ARMCX4: variants seen among roughly 807,000 people sequenced by gnomAD.
The protein encoded by ARMCX4 is armadillo repeat-containing X-linked protein 4.
Under a neutral mutation model 34.7 loss-of-function variants are expected in ARMCX4, and 3 were observed. The ratio of observed to expected loss-of-function variants is 0.09; its 90% confidence interval spans 0.04 to 0.22. The LOEUF is 0.22. Ranked by LOEUF, ARMCX4 falls within the 10% of genes least tolerant of loss-of-function variation. The probability of loss-of-function intolerance (pLI) is 1.00; values close to 1 mark genes in which losing one functional copy is unlikely to be tolerated. For missense variants in ARMCX4, 1,448 were observed against 1,720.8 expected (o/e 0.84, Z 2.81); for synonymous variants, 513 against 632.8 (o/e 0.81, Z 2.84).
chrX:101,427,416 C>T (rs543519784), intron 2 of ARMCX4, among the ~76,000 whole-genome samples: 1 of 109,904 alleles, frequency 9.1e-6, no homozygotes, highest in African/African-American at 3.3e-5. Context: ...CTTGCTCTGT[C>T]GCCCAGGCTG....
intron 7 of ARMCX4, among the ~76,000 whole-genome samples, chrX:101,504,606 G>A (rs971686182): frequency 9.0e-6 from 1 of 110,852 alleles, no homozygotes; most frequent in Non-Finnish European, 1.9e-5. Context: ...AGAGATAGCT[G>A]GTCTTATAGT....
At chrX:101,437,211 G>T (rs1930855138) in intron 2 of ARMCX4, among the ~76,000 whole-genome samples, 1 of 112,068 alleles carries the variant, frequency 8.9e-6, no homozygotes, top group Middle Eastern at 4.6e-3. Flanking sequence ...AATAGTTTCA[G>T]AAGGAATGGT....
At chrX:101,502,489 C>A (rs1289374298) in intron 7 of ARMCX4, among the ~76,000 whole-genome samples, 1 of 111,897 alleles carries the variant, frequency 8.9e-6, no homozygotes, top group Non-Finnish European at 1.9e-5. Context: ...CCTTTCCTGC[C>A]TTGGTCTCCC....
intron 2 of ARMCX4, among the ~76,000 whole-genome samples, chrX:101,435,291 C>T (rs1930639476): frequency 8.9e-6 from 1 of 111,855 alleles, no homozygotes; most frequent in East Asian, 2.8e-4. Flanking sequence ...ACATCCTCTC[C>T]AGCACCTGTT....
At chrX:101,478,041 G>T (rs782503056) in intron 4 of ARMCX4, among the ~76,000 whole-genome samples, 3 of 111,741 alleles carry the variant, frequency 2.7e-5, no homozygotes, top group African/African-American at 9.7e-5. Context: ...ATGATGAAAC[G>T]TGAAAAGCAT....
At chrX:101,423,938 A>G (rs1208942663) in intron 2 of ARMCX4, among the ~76,000 whole-genome samples, 1 of 110,996 alleles carries the variant, frequency 9.0e-6, no homozygotes, top group Non-Finnish European at 1.9e-5. Context: ...ATCTTGCCTC[A>G]CTGCAACCTC....
upstream of ARMCX4, among the ~76,000 whole-genome samples, chrX:101,483,033 T>C (rs1440806972): frequency 2.8e-5 from 3 of 105,753 alleles, no homozygotes; most frequent in Admixed American, 1.0e-4. Flanking sequence ...GTAGCTGGGG[T>C]TATAAGCGCC....
intron 11 of ARMCX4, among the ~76,000 whole-genome samples, chrX:101,524,603 C>T (rs782697977): frequency 1.2e-4 from 13 of 111,750 alleles, no homozygotes; most frequent in African/African-American, 2.9e-4. Flanking sequence ...GGGACACTCC[C>T]GCCCTAATAC....
chrX:101,535,358 G>A (rs782443258), downstream of ARMCX4, among the ~76,000 whole-genome samples: 6 of 111,613 alleles, frequency 5.4e-5, no homozygotes, highest in Non-Finnish European at 1.1e-4. Flanking sequence ...CTTCCTAGGT[G>A]ATTATTTCAC....
intron 11 of ARMCX4, among the ~76,000 whole-genome samples, chrX:101,523,105 C>G (rs1216576186): frequency 9.0e-6 from 1 of 111,491 alleles, no homozygotes. Flanking sequence ...AAGAATTCCT[C>G]AAGCCACACA....
chrX:101,479,730 C>T (rs190198148), intron 4 of ARMCX4, among the ~76,000 whole-genome samples: 2 of 110,589 alleles, frequency 1.8e-5, no homozygotes, highest in Non-Finnish European at 3.8e-5. Context: ...ATCCACCTGC[C>T]GTGACCTCCT....
At chrX:101,518,708 A>G (rs1228998526) in intron 11 of ARMCX4, among the ~76,000 whole-genome samples, 3 of 111,530 alleles carry the variant, frequency 2.7e-5, no homozygotes, top group African/African-American at 9.7e-5. Flanking sequence ...AAACACACAA[A>G]GATTGAAAAT....
chrX:101,525,251 T>C (rs1934939796), intron 11 of ARMCX4, among the ~76,000 whole-genome samples: 1 of 111,688 alleles, frequency 9.0e-6, no homozygotes. Context: ...GAAGGAAAAC[T>C]AACAAACAGG....
intron 2 of ARMCX4, among the ~76,000 whole-genome samples, chrX:101,433,088 A>ACACGTG (rs1930336705): frequency 9.1e-6 from 1 of 109,741 alleles, no homozygotes; most frequent in African/African-American, 3.3e-5. Flanking sequence ...ATGTATACAT[A>ACACGTG]TATGTGTATA....
rs1232444473 is a variant in ARMCX4 at position 101,436,586 on chromosome X, G to A, written n.165-7466G>A. ...TTCTAGATATACAATCATGTCGTCC[G>A]CAAACAGGGACAATTTGACTTCCTC... On this transcript the variant is annotated intron_variant and non_coding_transcript_variant, in intron 2 of 3. Transcript: ENST00000430461. Among the ~76,000 whole-genome samples the A allele has an allele frequency of 2.7e-5, 3 of 111,481 alleles. No homozygotes were observed. In the South Asian group the frequency reaches 1.1e-3, roughly 42 times the overall value.
At position 101,453,652 on chromosome X, in the gene ARMCX4, C is replaced by G. The variant is rs1158560129; in HGVS notation, c.-473+7608C>G. Among the ~76,000 whole-genome samples the G allele has an allele frequency of 2.7e-5, 3 of 111,029 alleles. No individual in the cohort carries two copies. The East Asian group carries it at 8.5e-4, about 31-fold the overall frequency. ...TAGCTGTGCTAGAACTCTGAGGCTT[C>G]TGGTCACAGCTGTTTTACAGGGGTT... On this transcript the variant is annotated intron_variant and NMD_transcript_variant, in intron 4 of 15. Coordinates refer to the ARMCX4 transcript ENST00000433011.
intron 2 of ARMCX4, among the ~76,000 whole-genome samples, chrX:101,429,111 C>T (rs1160841011): frequency 5.4e-5 from 6 of 110,274 alleles, no homozygotes; most frequent in Non-Finnish European, 9.5e-5. Flanking sequence ...CCTCCTGCCT[C>T]AGCCTCCCAA....
At chrX:101,428,310 T>C (rs1174392662) in intron 2 of ARMCX4, among the ~76,000 whole-genome samples, 2 of 112,444 alleles carry the variant, frequency 1.8e-5, no homozygotes, top group Admixed American at 1.9e-4. Context: ...TTATTACATT[T>C]ATATAGTATA....
intron 4 of ARMCX4, among the ~76,000 whole-genome samples, chrX:101,455,002 C>G (rs1555999920): frequency 9.0e-6 from 1 of 111,580 alleles, no homozygotes; most frequent in Non-Finnish European, 1.9e-5. Context: ...CTCTCAAAGT[C>G]CCCACCTCCT....
Sources: gnomAD v4.1 joint callset for allele counts (sites outside exome capture counted in the v4.1 genomes callset) on GRCh38, gnomAD v4.1.1 for gene constraint, MANE v1.5 for transcripts, NCBI Gene and HGNC (gene_info 2026-07-23, HGNC 2026-07-21) for gene names.